The following CNTN5 variants were observed in gnomAD, a reference collection of about 807,000 sequenced individuals.
CNTN5 encodes contactin 5.
In CNTN5, 77 loss-of-function variants were observed where a neutral mutation model predicts 129.1. That is an observed-to-expected ratio of 0.60 (90% CI 0.50 to 0.72). The LOEUF is 0.72. Among genes scored for constraint, CNTN5 ranks in the 30% least tolerant of loss-of-function variants. The pLI is 0.00. For missense variants in CNTN5, 1,478 were observed against 1,328.8 expected (o/e 1.11, Z -1.75); for synonymous variants, 509 against 465.6 (o/e 1.09, Z -1.20).
At chr11:100,053,115 A>C (rs1403883296) in intron 9 of CNTN5, among the ~76,000 whole-genome samples, 1 of 151,734 alleles carries the variant, frequency 6.6e-6, no homozygotes, top group East Asian at 1.9e-4. Flanking sequence ...CTACATACCT[A>C]AATGTAAATC....
At chr11:99,186,292 C>T (rs999647549) in intron 1 of CNTN5, among the ~76,000 whole-genome samples, 48 of 152,024 alleles carry the variant, frequency 3.2e-4, no homozygotes, top group African/African-American at 1.2e-3. Flanking sequence ...ACTTTAAACC[C>T]TCATTCACAT....
intron 3 of CNTN5, among the ~76,000 whole-genome samples, chr11:99,792,538 G>GGTGTGTGTGTGT (rs111267307): frequency 8.8e-4 from 112 of 127,788 alleles, no homozygotes; most frequent in African/African-American, 2.6e-3. Flanking sequence ...CCTGAAGAGG[G>GGTGTGTGTGTGT]GTGTGTGTGT....
intron 13 of CNTN5, 116 bp downstream of exon 13, chr11:100,074,410 T>C: frequency 1.1e-6 from 1 of 911,754 alleles, no homozygotes; most frequent in Non-Finnish European, 1.7e-6. Context: ...TTTTATGAAC[T>C]GATTGAAACA....
chr11:99,817,688 T>C (rs917644032), intron 3 of CNTN5, among the ~76,000 whole-genome samples: 1 of 147,820 alleles, frequency 6.8e-6, no homozygotes, highest in Non-Finnish European at 1.5e-5. Flanking sequence ...AATGAATACG[T>C]TCAGAAACTA....
intron 13 of CNTN5, among the ~76,000 whole-genome samples, chr11:100,116,374 A>T (rs1323450609): frequency 6.6e-6 from 1 of 152,068 alleles, no homozygotes; most frequent in African/African-American, 2.4e-5. Flanking sequence ...TGTCACTTGC[A>T]AAACAACCTG....
intron 4 of CNTN5, among the ~76,000 whole-genome samples, chr11:99,823,225 C>T (rs1043213108): frequency 6.6e-6 from 1 of 152,132 alleles, no homozygotes; most frequent in Non-Finnish European, 1.5e-5. Flanking sequence ...TTCTGGGTTT[C>T]CTTTCTACTA....
intron 2 of CNTN5, among the ~76,000 whole-genome samples, chr11:99,434,842 C>T (rs1225104564): frequency 2.0e-5 from 3 of 152,040 alleles, no homozygotes; most frequent in South Asian, 4.1e-4. Context: ...TTTGACAATT[C>T]AAGAGAAATT....
chr11:100,330,996 A>T (rs758175698), intron 21 of CNTN5, among the ~76,000 whole-genome samples: 14 of 152,312 alleles, frequency 9.2e-5, no homozygotes, highest in Non-Finnish European at 1.3e-4. Context: ...AATAACATTG[A>T]ATGTAAATGG....
chr11:100,000,001 C>G (rs987078775), intron 8 of CNTN5, among the ~76,000 whole-genome samples: 1 of 133,600 alleles, frequency 7.5e-6, no homozygotes, highest in Non-Finnish European at 1.6e-5. Flanking sequence ...ACTCTGGGGA[C>G]TGTTGTGGGG....
chr11:99,515,218 C>A (rs969019194), intron 2 of CNTN5, among the ~76,000 whole-genome samples: 2 of 151,984 alleles, frequency 1.3e-5, no homozygotes, highest in African/African-American at 2.4e-5. Flanking sequence ...ATTAACACTG[C>A]TGAATGTGGT....
chr11:99,780,557 C>T (rs1256627182), intron 3 of CNTN5, among the ~76,000 whole-genome samples: 1 of 152,022 alleles, frequency 6.6e-6, no homozygotes. Flanking sequence ...TGAACCAACA[C>T]AACAGATGGG....
chr11:99,964,493 T>C (rs1951040004), intron 8 of CNTN5, among the ~76,000 whole-genome samples: 1 of 152,216 alleles, frequency 6.6e-6, no homozygotes, highest in East Asian at 1.9e-4. Context: ...CAGCCTTGCA[T>C]CCCAGGGATG....
intron 20 of CNTN5, among the ~76,000 whole-genome samples, chr11:100,303,641 T>C (rs568777527): frequency 2.0e-5 from 3 of 151,742 alleles, no homozygotes; most frequent in African/African-American, 7.2e-5. Flanking sequence ...CCTGCTCATA[T>C]ATTTATTAAA....
At chr11:99,960,277 C>T (rs926845871) in intron 8 of CNTN5, among the ~76,000 whole-genome samples, 9 of 152,074 alleles carry the variant, frequency 5.9e-5, no homozygotes, top group African/African-American at 1.9e-4. Flanking sequence ...TAACTCGAGT[C>T]TAATTCATAG....
chr11:100,122,447 A>G (rs1390194624), intron 13 of CNTN5, among the ~76,000 whole-genome samples: 1 of 152,038 alleles, frequency 6.6e-6, no homozygotes, highest in Non-Finnish European at 1.5e-5. Flanking sequence ...TCTTCTCTGG[A>G]AACACCCTCA....
chr11:99,086,058 C>G (rs1195710877), intron 1 of CNTN5, among the ~76,000 whole-genome samples: 2 of 152,236 alleles, frequency 1.3e-5, no homozygotes, highest in African/African-American at 4.8e-5. Context: ...GCCCATTGAG[C>G]ACTTTAGTAC....
intron 13 of CNTN5, among the ~76,000 whole-genome samples, chr11:100,148,492 C>G (rs894906700): frequency 1.3e-5 from 2 of 151,968 alleles, no homozygotes; most frequent in Admixed American, 6.6e-5. Context: ...GCAGGGCACT[C>G]ACTGTTCAAA....
intron 2 of CNTN5, among the ~76,000 whole-genome samples, chr11:99,532,276 A>C (rs1018935813): frequency 6.6e-6 from 1 of 152,066 alleles, no homozygotes; most frequent in African/African-American, 2.4e-5. Flanking sequence ...TGTTTTGGCC[A>C]ATTTCTTCTG....
intron 9 of CNTN5, among the ~76,000 whole-genome samples, chr11:100,015,939 C>T (rs1226137320): frequency 2.6e-5 from 4 of 151,932 alleles, no homozygotes; most frequent in Admixed American, 2.0e-4. Flanking sequence ...TAATTCCATT[C>T]ATTCTAGTTC....
Sources: allele counts gnomAD v4.1 joint callset (sites outside exome capture counted in the v4.1 genomes callset), GRCh38; gene constraint gnomAD v4.1.1; transcripts MANE v1.5; gene names NCBI Gene and HGNC (gene_info 2026-07-23, HGNC 2026-07-21).